Variants in ARL15 observed in about 807,000 individuals in gnomAD.
ARL15 encodes ADP-ribosylation factor-like protein 15.
In ARL15, 19 loss-of-function variants were observed where a neutral mutation model predicts 25.2. The observed-to-expected ratio is 0.75, with a 90% confidence interval of 0.53 to 1.10. The LOEUF (loss-of-function observed/expected upper bound fraction) is 1.10, where lower values mean the gene tolerates loss of function less well. Among genes scored for constraint, ARL15 ranks in the 50% least tolerant of loss-of-function variants. The pLI is 0.00. For missense variants in ARL15, 220 were observed against 246.0 expected (o/e 0.89, Z 0.71); for synonymous variants, 94 against 86.8 (o/e 1.08, Z -0.46).
chr5:54,031,528 T>C (rs1749982717), intron 4 of ARL15, among the ~76,000 whole-genome samples: 1 of 152,174 alleles, frequency 6.6e-6, no homozygotes, highest in South Asian at 2.1e-4. Context: ...GTAGAGGCAC[T>C]ACCCTGGAGG....
chr5:54,076,332 A>T (rs539389842), intron 4 of ARL15, among the ~76,000 whole-genome samples: 168 of 152,138 alleles, frequency 1.1e-3, no homozygotes, highest in Non-Finnish European at 1.9e-3. Flanking sequence ...GAGGCAGGAG[A>T]ATGGCGTGAA....
intron 1 of ARL15, among the ~76,000 whole-genome samples, chr5:54,209,333 AAGAGAGAG>A (rs71600812): frequency 0.035 from 5,225 of 148,638 alleles, 307 homozygotes; most frequent in African/African-American, 0.12. Context: ...TAAAAAGAGA[AAGAGAGAG>A]AGAGAGAGAG....
At chr5:54,068,920 T>C (rs1467603243) in intron 4 of ARL15, among the ~76,000 whole-genome samples, 1 of 152,226 alleles carries the variant, frequency 6.6e-6, no homozygotes, top group Non-Finnish European at 1.5e-5. Context: ...AACTTAATAA[T>C]GCCAGTTGAG....
chr5:53,940,048 G>C (rs141724267), intron 4 of ARL15, among the ~76,000 whole-genome samples: 1,605 of 150,684 alleles, frequency 0.011, 35 homozygotes, highest in African/African-American at 0.037. Context: ...GCGCGATCTC[G>C]GCTCACTGCA....
At chr5:54,082,231 C>T (rs914315083) in intron 4 of ARL15, among the ~76,000 whole-genome samples, 10 of 152,110 alleles carry the variant, frequency 6.6e-5, no homozygotes, top group Non-Finnish European at 1.3e-4. Context: ...CTTTTTCATC[C>T]TGACCCTTGA....
At chr5:54,050,653 G>A (rs1750678046) in intron 4 of ARL15, among the ~76,000 whole-genome samples, 2 of 152,198 alleles carry the variant, frequency 1.3e-5, no homozygotes, top group Non-Finnish European at 2.9e-5. Context: ...AAGTGAATAT[G>A]AGGCTTTATA....
intron 3 of ARL15, among the ~76,000 whole-genome samples, chr5:54,139,140 C>T (rs748183061): frequency 6.6e-6 from 1 of 152,124 alleles, no homozygotes; most frequent in Non-Finnish European, 1.5e-5. Flanking sequence ...ATCTACCATT[C>T]GATCCAGCAG....
chr5:53,965,036 A>T (rs1471882955), intron 4 of ARL15, among the ~76,000 whole-genome samples: 1 of 152,228 alleles, frequency 6.6e-6, no homozygotes, highest in Admixed American at 6.5e-5. Flanking sequence ...TTTCATAAGA[A>T]AATCTTTGCC....
intron 4 of ARL15, among the ~76,000 whole-genome samples, chr5:53,988,230 A>G (rs1410991875): frequency 6.6e-6 from 1 of 150,378 alleles, no homozygotes; most frequent in Non-Finnish European, 1.5e-5. Flanking sequence ...CAGGAGGTCT[A>G]GCTAGGCTGC....
intron 4 of ARL15, among the ~76,000 whole-genome samples, chr5:53,895,085 C>A (rs989529293): frequency 6.6e-6 from 1 of 152,152 alleles, no homozygotes; most frequent in Non-Finnish European, 1.5e-5. Flanking sequence ...TACTACCTAG[C>A]CCTTTATAGA....
chr5:53,999,156 G>A (rs1298884786), intron 4 of ARL15, among the ~76,000 whole-genome samples: 2 of 152,190 alleles, frequency 1.3e-5, no homozygotes, highest in Non-Finnish European at 2.9e-5. Flanking sequence ...TTCGGTAAGT[G>A]TCTATACTCA....
intron 1 of ARL15, among the ~76,000 whole-genome samples, chr5:54,307,655 T>G (rs559864038): frequency 1.8e-4 from 27 of 152,322 alleles, no homozygotes; most frequent in Non-Finnish European, 3.2e-4. Context: ...GGATTAATCC[T>G]GTTAAGACAA....
At chr5:53,923,371 C>T (rs776876046) in intron 4 of ARL15, among the ~76,000 whole-genome samples, 4 of 152,160 alleles carry the variant, frequency 2.6e-5, no homozygotes, top group Non-Finnish European at 5.9e-5. Flanking sequence ...TTCAGAAGGG[C>T]AGGCTGTTCC....
chr5:54,200,731 G>C (rs528862016), intron 1 of ARL15, among the ~76,000 whole-genome samples: 1 of 152,254 alleles, frequency 6.6e-6, no homozygotes, highest in South Asian at 2.1e-4. Flanking sequence ...TCTTAACTTA[G>C]GTGCCACAGA....
intron 4 of ARL15, among the ~76,000 whole-genome samples, chr5:54,027,837 C>T (rs2111874314): frequency 6.6e-6 from 1 of 152,254 alleles, no homozygotes; most frequent in East Asian, 1.9e-4. Context: ...GCTGAACATT[C>T]CCAGAAAAGA....
chr5:53,945,373 T>C (rs1021471699), intron 4 of ARL15, among the ~76,000 whole-genome samples: 1 of 152,372 alleles, frequency 6.6e-6, no homozygotes, highest in Non-Finnish European at 1.5e-5. Context: ...GATTATAAAC[T>C]TGTAGAAGCA....
intron 4 of ARL15, among the ~76,000 whole-genome samples, chr5:54,092,340 C>T (rs923534472): frequency 6.6e-5 from 10 of 151,684 alleles, no homozygotes; most frequent in African/African-American, 1.9e-4. Context: ...ATTAGATGCT[C>T]CATCAATCCA....
chr5:54,093,995 T>C (rs1302377794), intron 4 of ARL15, among the ~76,000 whole-genome samples: 1 of 152,208 alleles, frequency 6.6e-6, no homozygotes, highest in Non-Finnish European at 1.5e-5. Flanking sequence ...TGAAGGTTTC[T>C]ATACAGGGTT....
chr5:54,067,296 G>A (rs560233706), intron 4 of ARL15: 1 of 152,200 alleles, frequency 6.6e-6, no homozygotes, highest in East Asian at 1.9e-4. Flanking sequence ...GCATCATTAT[G>A]ATAAAAAACA....
Sources: gnomAD v4.1 joint callset for allele counts (sites outside exome capture counted in the v4.1 genomes callset) on GRCh38, gnomAD v4.1.1 for gene constraint, MANE v1.5 for transcripts, NCBI Gene and HGNC (gene_info 2026-07-23, HGNC 2026-07-21) for gene names.